GLG1: variants seen among roughly 807,000 people sequenced by gnomAD.
The protein encoded by GLG1 is golgi glycoprotein 1.
In GLG1, 38 loss-of-function variants were observed where a neutral mutation model predicts 160.5. The ratio of observed to expected loss-of-function variants is 0.24; its 90% CI spans 0.18 to 0.31. GLG1 has a LOEUF of 0.31. GLG1 is among the 10% of genes least tolerant of loss of function. The pLI, the probability that GLG1 is intolerant of heterozygous loss-of-function variation, is 1.00. For synonymous variants in GLG1, 644 were observed against 543.4 expected (o/e 1.19, Z -2.57); for missense variants, 1,373 against 1,505.2 (o/e 0.91, Z 1.45).
At chr16:74,531,758 G>C (rs1038876831) in intron 2 of GLG1, among the ~76,000 whole-genome samples, 9 of 152,206 alleles carry the variant, frequency 5.9e-5, no homozygotes, top group Non-Finnish European at 7.3e-5. Context: ...TTTCACATCA[G>C]TCTCCTTTTA....
In GLG1 at chr16:74,449,995, C is replaced by T. The variant is rs1385390044; in HGVS notation, c.*3172G>A. On this transcript the variant is annotated 3_prime_UTR_variant, in exon 26 of 26. Coordinates refer to ENST00000422840, the MANE Select transcript of GLG1 (RefSeq NM_001145667.2). ...TTAATAGTTTGCCCAGACAGCTCAC[C>T]TTCAGTACCCCAGAGCCTCCAGCCT... 1 of 152,334 alleles carries T rather than the reference C, an allele frequency of 6.6e-6. No homozygotes were observed. Among genetic ancestry groups the T allele is most frequent in the Non-Finnish European group, 1.5e-5 (1 of 68,138 alleles). The allele number at this position is 152,334 out of a possible 1,614,324, so 9.4% of individuals were successfully genotyped here. A position where few individuals can be genotyped will look rare whatever the true frequency, so the allele number is the denominator to read the frequency against.
At chr16:74,577,448 G>C (rs561922770) in intron 1 of GLG1, among the ~76,000 whole-genome samples, 1 of 151,058 alleles carries the variant, frequency 6.6e-6, no homozygotes, top group South Asian at 2.1e-4. Context: ...CTTGAACTCA[G>C]GAGGCAGAAA....
intron 1 of GLG1, among the ~76,000 whole-genome samples, chr16:74,536,506 C>A (rs2550781): frequency 1.2e-3 from 190 of 152,232 alleles, no homozygotes; most frequent in African/African-American, 4.5e-3. Flanking sequence ...TGTTTACAAT[C>A]CAGTTATACA....
In GLG1 at chr16:74,451,568, T is replaced by C. The variant is rs1443850961; in HGVS notation, c.*1599A>G. The C allele has an allele frequency of 5.9e-6, 1 of 169,856 alleles. No individual in the cohort carries two copies. The highest frequency in any genetic ancestry group is 1.5e-4 in the East Asian group (1 of 6,456). 10.5% of individuals were successfully genotyped at this position (169,856 alleles called of 1,614,324 possible). ...GGACTGTGCAGAGCAGAGGCAAGAG[T>C]GGGGGGCGCCGAGGGCAGGCCTTGG... is the stretch of plus-strand genomic sequence containing the variant. On this transcript the variant is annotated 3_prime_UTR_variant, in exon 26 of 26. Transcript: ENST00000422840.
intron 2 of GLG1, among the ~76,000 whole-genome samples, chr16:74,515,999 A>C (rs1205156205): frequency 6.6e-6 from 1 of 151,638 alleles, no homozygotes; most frequent in Non-Finnish European, 1.5e-5. Context: ...CAACAAGAAG[A>C]GCTAACTATC....
At chr16:74,553,507 C>T (rs1294209779) in intron 1 of GLG1, among the ~76,000 whole-genome samples, 2 of 125,222 alleles carry the variant, frequency 1.6e-5, no homozygotes, top group Non-Finnish European at 3.1e-5. Flanking sequence ...GAGTCTCGCT[C>T]TGTCGCCCAG....
chr16:74,596,796 T>C (rs1489658798), intron 1 of GLG1, among the ~76,000 whole-genome samples: 1 of 152,148 alleles, frequency 6.6e-6, no homozygotes, highest in Non-Finnish European at 1.5e-5. Context: ...GCAAGCTATT[T>C]AGAATCAGTT....
intron 1 of GLG1, among the ~76,000 whole-genome samples, chr16:74,604,934 A>T (rs1958530674): frequency 6.6e-6 from 1 of 152,176 alleles, no homozygotes; most frequent in Non-Finnish European, 1.5e-5. Flanking sequence ...CTGTAGTCCC[A>T]GGTACTCAGG....
intron 1 of GLG1, among the ~76,000 whole-genome samples, chr16:74,570,898 G>A (rs186336161): frequency 7.2e-5 from 11 of 151,938 alleles, no homozygotes; most frequent in African/African-American, 1.4e-4. Flanking sequence ...CCTACCACCC[G>A]CTGGCCCCTC....
chr16:74,454,666 CAAAAAAAAAAA>C (rs58759187), intron 25 of GLG1, among the ~76,000 whole-genome samples: 87 of 38,532 alleles, frequency 2.3e-3, no homozygotes, highest in Non-Finnish European at 3.7e-3. Flanking sequence ...AATCCGTCCC[CAAAAAAAAAAA>C]AAAAAAAAAA....
chr16:74,489,947 G>C (rs1454604894), intron 8 of GLG1, among the ~76,000 whole-genome samples: 1 of 152,108 alleles, frequency 6.6e-6, no homozygotes, highest in Admixed American at 6.5e-5. Context: ...CGATTATCAG[G>C]AAAATAAAAT....
At chr16:74,567,483 C>A (rs2018688863) in intron 1 of GLG1, among the ~76,000 whole-genome samples, 1 of 150,988 alleles carries the variant, frequency 6.6e-6, no homozygotes, top group Admixed American at 6.6e-5. Flanking sequence ...TGGGTCACGT[C>A]AGAAGTAAAA....
chr16:74,525,392 A>G (rs1313875005), intron 2 of GLG1, among the ~76,000 whole-genome samples: 7 of 152,140 alleles, frequency 4.6e-5, no homozygotes, highest in Non-Finnish European at 1.0e-4. Context: ...TTTGCTTTTT[A>G]AAGAGACAGG....
At chr16:74,568,847 C>A (rs888694992) in intron 1 of GLG1, among the ~76,000 whole-genome samples, 2 of 152,118 alleles carry the variant, frequency 1.3e-5, no homozygotes, top group Non-Finnish European at 2.9e-5. Context: ...TTAGAACAAC[C>A]CTTTAACTAT....
At chr16:74,541,782 T>C (rs543950699) in intron 1 of GLG1, among the ~76,000 whole-genome samples, 47 of 152,342 alleles carry the variant, frequency 3.1e-4, no homozygotes, top group Admixed American at 8.5e-4. Flanking sequence ...ACATGTTTTA[T>C]TGTATGTGTA....
rs1312421298 is a variant in GLG1, at chr16:74,474,612, G to T, written c.1986C>A (p.Asp662Glu). ...ETGQELECLQ[D>E]HLDDLVVECR... ...ACTCCACCACCAAGTCATCCAGATG[G>T]TCCTGAAGGCACTCCAGCTCCTGCA... is the stretch of plus-strand genomic sequence containing the variant. Residue 662 changes from aspartate (D) to glutamate (E), a missense_variant, in exon 13 of 26, where the codon GAC becomes GAA. Coordinates refer to ENST00000422840, the MANE Select transcript of GLG1 (RefSeq NM_001145667.2). 5.8e-6 allele frequency: 9 copies of T among 1,564,916 alleles called. No homozygotes were observed. Among genetic ancestry groups the T allele is most frequent in the Non-Finnish European group, 7.9e-6 (9 of 1,135,100 alleles).
chr16:74,481,364 T>C (rs1161626388), intron 10 of GLG1, among the ~76,000 whole-genome samples: 1 of 152,220 alleles, frequency 6.6e-6, no homozygotes, highest in Admixed American at 6.5e-5. Context: ...CTGTCCATAT[T>C]ATATTGTCAA....
At chr16:74,497,315 C>CACAA (rs1276945451) in intron 4 of GLG1, among the ~76,000 whole-genome samples, 1 of 145,042 alleles carries the variant, frequency 6.9e-6, no homozygotes. Flanking sequence ...CACACACACA[C>CACAA]AAAAAACCAC....
chr16:74,581,894 G>C (rs532656834), intron 1 of GLG1, among the ~76,000 whole-genome samples: 4 of 152,008 alleles, frequency 2.6e-5, no homozygotes, highest in African/African-American at 9.7e-5. Context: ...CCCAGGCGAC[G>C]GTGAGACTCC....
Sources: allele counts gnomAD v4.1 joint callset (sites outside exome capture counted in the v4.1 genomes callset), GRCh38; gene constraint gnomAD v4.1.1; transcripts MANE v1.5; gene names NCBI Gene and HGNC (gene_info 2026-07-23, HGNC 2026-07-21).